SYN2: variants seen among roughly 807,000 people sequenced by gnomAD.
The protein encoded by SYN2 is synapsin-2.
A neutral mutation model predicts 50.9 loss-of-function variants in SYN2; 19 were observed. The observed-to-expected ratio is 0.37, with a 90% CI of 0.26 to 0.55. The LOEUF (loss-of-function observed/expected upper bound fraction) is 0.55. Among genes scored for constraint, SYN2 ranks in the 20% least tolerant of loss-of-function variants. The probability of loss-of-function intolerance (pLI) is 0.81; values close to 1 mark genes in which losing one functional copy is unlikely to be tolerated. For missense variants in SYN2, 587 were observed against 576.4 expected, an observed-to-expected ratio of 1.02 and a Z score of -0.19; for synonymous variants, 255 against 224.9, an observed-to-expected ratio of 1.13 and a Z score of -1.20.
chr3:12,048,412 C>T (rs1440269896), intron 1 of SYN2, among the ~76,000 whole-genome samples: 1 of 152,230 alleles, frequency 6.6e-6, no homozygotes, highest in Non-Finnish European at 1.5e-5. Flanking sequence ...AAGTGATCCA[C>T]CTGCTTTGGC....
intron 1 of SYN2, among the ~76,000 whole-genome samples, chr3:12,018,425 A>G (rs307616): frequency 0.022 from 3,417 of 152,288 alleles, 50 homozygotes; most frequent in Middle Eastern, 0.078. Context: ...GGCTTCCTAG[A>G]CTGAGTGCCA....
intron 1 of SYN2, among the ~76,000 whole-genome samples, chr3:12,137,953 A>G (rs181096987): frequency 6.6e-6 from 1 of 152,344 alleles, no homozygotes; most frequent in African/African-American, 2.4e-5. Context: ...AAAAAATTTA[A>G]GCCTCCCTAA....
Position 12,158,910 on chromosome 3 carries a change from A to G in SYN2, c.775-2636A>G. The G allele has an allele frequency of 2.8e-6, 4 of 1,442,454 alleles. No individual in the cohort carries two copies. The South Asian group carries it at 4.2e-5, about 15-fold the overall frequency. 89.4% of individuals were successfully genotyped at this position (1,442,454 alleles called of 1,614,324 possible). A position where few individuals can be genotyped will look rare whatever the true frequency, so the allele number is the denominator to read the frequency against. On this transcript the variant is annotated intron_variant, in intron 5 of 12. Coordinates refer to ENST00000621198, the MANE Select transcript of SYN2 (RefSeq NM_133625.6). The stretch of plus-strand genomic sequence containing the variant: ...GACGGCCCCAGCAGGGCTCCTTCCC[A>G]AGGCCGTTGTGCCCCTCGCCCCAGG...
At chr3:12,015,441 CTTATGAAAAAAA>C (rs1694007521) in intron 1 of SYN2, among the ~76,000 whole-genome samples, 1 of 152,086 alleles carries the variant, frequency 6.6e-6, no homozygotes, top group South Asian at 2.1e-4. Context: ...TTATCAGTGA[CTTATGAAAAAAA>C]TTATGAAAAT....
At chr3:12,133,427 T>C (rs2125210956) in intron 1 of SYN2, among the ~76,000 whole-genome samples, 1 of 152,370 alleles carries the variant, frequency 6.6e-6, no homozygotes, top group African/African-American at 2.4e-5. Flanking sequence ...TGAGGTCTTA[T>C]TTATGTCTCT....
At chr3:12,151,643 G>C (rs990439627) in intron 5 of SYN2, among the ~76,000 whole-genome samples, 26 of 152,218 alleles carry the variant, frequency 1.7e-4, no homozygotes, top group Admixed American at 9.2e-4. Context: ...CATTGAACAA[G>C]CTGCATTTCC....
chr3:12,178,438 C>A (rs898688842), intron 10 of SYN2, among the ~76,000 whole-genome samples: 3 of 152,198 alleles, frequency 2.0e-5, no homozygotes, highest in Non-Finnish European at 2.9e-5. Context: ...TTTAAAGTTA[C>A]CTTTGACAAA....
In SYN2 at chr3:12,190,951, T is replaced by G; in HGVS notation, c.*326T>G. The G allele has an allele frequency of 9.4e-7, 1 of 1,064,010 alleles. No homozygotes were observed. The allele number at this position is 1,064,010 out of a possible 1,614,324, so 65.9% of individuals were successfully genotyped here. A position where few individuals can be genotyped will look rare whatever the true frequency, so the allele number is the denominator to read the frequency against. The stretch of plus-strand genomic sequence containing the variant: ...TGCCATCATGTCTTATTCTTCCCTG[T>G]GAAACCAGGATTAATCGTGGACTCC... On this transcript the variant is annotated 3_prime_UTR_variant, in exon 13 of 13. Transcript: ENST00000621198.
intron 1 of SYN2, among the ~76,000 whole-genome samples, chr3:12,119,223 TA>T (rs138305823): frequency 3.4e-5 from 5 of 148,754 alleles, no homozygotes; most frequent in Admixed American, 1.3e-4. Context: ...TTGGTTAGGT[TA>T]AAAAAAAAAC....
Position 12,095,318 on chromosome 3 carries a change from G to C in SYN2, c.378-45333G>C, listed in dbSNP as rs564137989. 3.3e-4 allele frequency among the ~76,000 whole-genome samples: 49 copies of C among 150,168 alleles called. 1 individual carries two copies. In the South Asian group the frequency reaches 7.3e-3, roughly 22 times the overall value. ...CTAGCACATTGGGAGGCCGAGGCAG[G>C]TGGATCACAAGGTCAGGAGATCATC... is the stretch of plus-strand genomic sequence containing the variant. On this transcript the variant is annotated intron_variant, in intron 1 of 12. Coordinates refer to ENST00000621198, the MANE Select transcript of SYN2 (RefSeq NM_133625.6).
At chr3:12,113,128 T>A (rs1389943549) in intron 1 of SYN2, among the ~76,000 whole-genome samples, 2 of 152,156 alleles carry the variant, frequency 1.3e-5, no homozygotes, top group Non-Finnish European at 2.9e-5. Flanking sequence ...TTTCATTCTC[T>A]TCTCTGTTCT....
intron 1 of SYN2, among the ~76,000 whole-genome samples, chr3:12,062,693 A>G (rs1245525016): frequency 2.6e-5 from 4 of 152,068 alleles, no homozygotes; most frequent in Non-Finnish European, 4.4e-5. Context: ...ACAAAACTAA[A>G]CATAGTCTTA....
chr3:12,085,356 C>T (rs376658959), intron 1 of SYN2, among the ~76,000 whole-genome samples: 88,615 of 125,308 alleles, frequency 0.71, 27,394 homozygotes, highest in South Asian at 0.79. Flanking sequence ...ATGGAATACA[C>T]ACACACACAC....
chr3:12,089,597 C>T (rs908995742), intron 1 of SYN2, among the ~76,000 whole-genome samples: 1 of 152,130 alleles, frequency 6.6e-6, no homozygotes, highest in South Asian at 2.1e-4. Context: ...ATTACTTGAG[C>T]CCAGTAGTTT....
chr3:12,168,592 C>T, intron 9 of SYN2, 114 bp downstream of exon 9: 1 of 869,904 alleles, frequency 1.1e-6, no homozygotes, highest in South Asian at 1.6e-5. Context: ...CCAGCAAGAT[C>T]AGTGGGTAGC....
At chr3:12,137,280 T>C (rs1230614002) in intron 1 of SYN2, among the ~76,000 whole-genome samples, 1 of 150,564 alleles carries the variant, frequency 6.6e-6, no homozygotes, top group Middle Eastern at 3.2e-3. Context: ...GTACTGGGCA[T>C]CTTATCTGTT....
rs780648842 is a variant in SYN2, at chr3:12,004,535, C to A, written c.-17C>A. 1 of 620,398 alleles carries A rather than the reference C, an allele frequency of 1.6e-6. No individual in the cohort carries two copies. Among genetic ancestry groups the A allele is most frequent in the East Asian group, 3.3e-5 (1 of 30,164 alleles). The allele number at this position is 620,398 out of a possible 1,614,324, so 38.4% of individuals were successfully genotyped here. ...CCAGACCCCGTAGCCCCGCGCGCCC[C>A]CAGCCCTTTAAGCCAGATGATGAAC... is the stretch of plus-strand genomic sequence containing the variant. On this transcript the variant is annotated 5_prime_UTR_variant, in exon 1 of 13. Coordinates refer to ENST00000621198, the MANE Select transcript of SYN2 (RefSeq NM_133625.6).
At chr3:12,142,319 T>G (rs995481149) in intron 3 of SYN2, among the ~76,000 whole-genome samples, 4 of 152,208 alleles carry the variant, frequency 2.6e-5, no homozygotes, top group Non-Finnish European at 4.4e-5. Flanking sequence ...CTGCATACAT[T>G]TCCCTTGGAA....
At chr3:12,156,894 A>T in intron 5 of SYN2, 1 of 1,614,196 alleles carries the variant, frequency 6.2e-7, no homozygotes, top group Non-Finnish European at 8.5e-7. Flanking sequence ...AGGCGTATAG[A>T]TATACTGAAC....
Sources: allele counts gnomAD v4.1 joint callset (sites outside exome capture counted in the v4.1 genomes callset), GRCh38; gene constraint gnomAD v4.1.1; transcripts MANE v1.5; gene names NCBI Gene and HGNC (gene_info 2026-07-23, HGNC 2026-07-21).